The following RRAGB variants were observed in gnomAD, a reference collection of about 807,000 sequenced individuals.
RRAGB encodes the protein ras-related GTP-binding protein B.
A neutral mutation model predicts 29.3 loss-of-function variants in RRAGB; 6 were observed. The observed-to-expected ratio is 0.21, with a 90% CI of 0.11 to 0.40. The LOEUF is 0.40. Among genes scored for constraint, RRAGB ranks in the 10% least tolerant of loss-of-function variants. The probability of loss-of-function intolerance (pLI) is 1.00; values close to 1 mark genes in which losing one functional copy is unlikely to be tolerated. For missense variants in RRAGB, 184 were observed against 272.9 expected, an observed-to-expected ratio of 0.67 and a Z score of 2.29; for synonymous variants, 101 against 92.5, an observed-to-expected ratio of 1.09 and a Z score of -0.53.
At chrX:55,748,990 G>A (rs1191726032) in intron 5 of RRAGB, among the ~76,000 whole-genome samples, 1 of 93,581 alleles carries the variant, frequency 1.1e-5, no homozygotes, top group Admixed American at 1.1e-4. Flanking sequence ...CCGGCCGGCC[G>A]CCCCATCCGG....
At chrX:55,729,248 C>T (rs778487275) in intron 3 of RRAGB, 46 bp from the exon 4 acceptor site, 22 of 937,252 alleles carry the variant, frequency 2.3e-5, no homozygotes, top group Non-Finnish European at 3.2e-5. Context: ...TTTTGAATTT[C>T]ACTTCACCTG....
chrX:55,744,498 G>T (rs888423646), intron 5 of RRAGB, among the ~76,000 whole-genome samples: 22 of 109,450 alleles, frequency 2.0e-4, no homozygotes, highest in African/African-American at 7.3e-4. Context: ...CTTTAATTTG[G>T]TGATGGAGTC....
chrX:55,753,634 G>A, intron 7 of RRAGB, 120 bp downstream of exon 7: 1 of 653,083 alleles, frequency 1.5e-6, no homozygotes. Flanking sequence ...ACTTTAGCAT[G>A]TACAGACTTA....
chrX:55,749,743 C>G (rs1189200029), intron 5 of RRAGB, among the ~76,000 whole-genome samples: 3 of 110,743 alleles, frequency 2.7e-5, no homozygotes, highest in Non-Finnish European at 5.7e-5. Flanking sequence ...ACCCCCAAAC[C>G]TGTGCTCTCT....
chrX:55,740,119 G>A (rs370983060), intron 5 of RRAGB, among the ~76,000 whole-genome samples: 295 of 111,281 alleles, frequency 2.7e-3, no homozygotes, highest in African/African-American at 9.1e-3. Flanking sequence ...TCAGGAGATC[G>A]AGACCATCCT....
Position 55,757,323 on chromosome X carries a change from C to A in RRAGB, c.935C>A (p.Pro312Gln). The A allele has an allele frequency of 8.8e-7, 1 of 1,133,474 alleles. No homozygotes were observed. The allele number at this position is 1,133,474 out of a possible 1,213,427, so 93.4% of individuals were successfully genotyped here. ...TATGTGATGGTTGTGATGTCTGATC[C>A]GTCCATTCGTAAGTTTAAACTTAGC... ...NTYVMVVMSD[P>Q]SIPSAATLIN... The change falls in exon 9 of 10, where the codon CCG becomes CAG. Residue 312 changes from proline to glutamine, a missense_variant. Coordinates refer to ENST00000374941, the MANE Select transcript of RRAGB (RefSeq NM_006064.5).
intron 5 of RRAGB, among the ~76,000 whole-genome samples, chrX:55,743,921 C>G (rs899750112): frequency 2.7e-5 from 3 of 112,050 alleles, no homozygotes; most frequent in African/African-American, 9.7e-5. Context: ...AACTTTCTTT[C>G]TGTAAAGAAA....
chrX:55,725,528 T>C (rs1235024496), intron 3 of RRAGB, among the ~76,000 whole-genome samples: 1 of 111,992 alleles, frequency 8.9e-6, no homozygotes, highest in Admixed American at 9.4e-5. Context: ...TTTTAAAATA[T>C]TGCATTGATT....
intron 5 of RRAGB, among the ~76,000 whole-genome samples, chrX:55,735,292 TG>T (rs764225116): frequency 8.9e-6 from 1 of 112,395 alleles, no homozygotes; most frequent in East Asian, 2.8e-4. Context: ...TTTATGAATC[TG>T]GGAGCTCTGG....
intron 5 of RRAGB, among the ~76,000 whole-genome samples, chrX:55,738,540 T>A (rs1353551363): frequency 8.9e-6 from 1 of 112,618 alleles, no homozygotes; most frequent in Non-Finnish European, 1.9e-5. Context: ...ATAGTAGTAA[T>A]GTACTAGGCA....
intron 6 of RRAGB, among the ~76,000 whole-genome samples, chrX:55,752,934 A>T (rs779880206): frequency 1.8e-5 from 2 of 111,946 alleles, no homozygotes; most frequent in African/African-American, 6.5e-5. Flanking sequence ...CCATTTGTCT[A>T]TGTGGCTCTG....
At chrX:55,751,235 T>TG (rs1328853658) in intron 6 of RRAGB, 39 bp downstream of exon 6, 1 of 762,911 alleles carries the variant, frequency 1.3e-6, no homozygotes, top group African/African-American at 2.1e-5. Flanking sequence ...TTTAAGAGCA[T>TG]GAAAAAAAAC....
Position 55,742,207 on chromosome X carries a change from G to A in RRAGB, c.517-8894G>A, listed in dbSNP as rs763077504. On this transcript the variant is annotated intron_variant, in intron 5 of 9. Transcript: ENST00000374941. ...ATATACATATTCATAACAAAATCAA[G>A]ATGAAGTACTCATGACAATTGCAAT... Among the ~76,000 whole-genome samples the A allele has an allele frequency of 2.7e-4, 30 of 112,523 alleles. No individual in the cohort carries two copies. The South Asian group carries it at 4.0e-3, about 15-fold the overall frequency.
rs190034624 is a variant in RRAGB at position 55,740,531 on chromosome X, G to A, written c.516+8945G>A. 3.3e-3 allele frequency among the ~76,000 whole-genome samples: 374 copies of A among 111,906 alleles called. 3 individuals are homozygous for A. Among genetic ancestry groups the A allele is most frequent in the African/African-American group, 0.012 (362 of 30,791 alleles). ...AAGAATTTTCTGCATCCTGCTGGCT[G>A]TGGAAGTGTTTTCCCTGCAAAAGGT... On this transcript the variant is annotated intron_variant, in intron 5 of 9. Transcript: ENST00000374941.
At chrX:55,733,249 A>C (rs1455663556) in intron 5 of RRAGB, among the ~76,000 whole-genome samples, 1 of 112,167 alleles carries the variant, frequency 8.9e-6, no homozygotes, top group Non-Finnish European at 1.9e-5. Flanking sequence ...AGTTATAAAC[A>C]AGAGATAGTT....
At chrX:55,755,693 A>T in intron 7 of RRAGB, 148 bp from the exon 8 acceptor site, 1 of 1,062,483 alleles carries the variant, frequency 9.4e-7, no homozygotes, top group Non-Finnish European at 1.2e-6. Flanking sequence ...GATAATATAT[A>T]GGACAGAGGA....
chrX:55,737,984 G>C (rs953484728), intron 5 of RRAGB, among the ~76,000 whole-genome samples: 1 of 112,401 alleles, frequency 8.9e-6, no homozygotes, highest in Non-Finnish European at 1.9e-5. Flanking sequence ...ACTTGTGCTC[G>C]TGAGTGCAAA....
intron 2 of RRAGB, among the ~76,000 whole-genome samples, chrX:55,721,554 G>A (rs1243995737): frequency 9.0e-6 from 1 of 111,426 alleles, no homozygotes; most frequent in Non-Finnish European, 1.9e-5. Flanking sequence ...AATTAAGTGT[G>A]GCTGTAAGCT....
At chrX:55,748,916 G>A (rs1385717581) in intron 5 of RRAGB, among the ~76,000 whole-genome samples, 73 of 100,600 alleles carry the variant, frequency 7.3e-4, no homozygotes, top group Non-Finnish European at 1.2e-3. Context: ...GAGGTGGGGG[G>A]GTCAGCCCCC....
Sources: gnomAD v4.1 joint callset for allele counts (sites outside exome capture counted in the v4.1 genomes callset) on GRCh38, gnomAD v4.1.1 for gene constraint, MANE v1.5 for transcripts, NCBI Gene and HGNC (gene_info 2026-07-23, HGNC 2026-07-21) for gene names.